Variants in INSC observed in about 807,000 individuals in gnomAD.
The protein encoded by INSC is INSC spindle orientation adaptor protein, also known as protein inscuteable homolog.
A neutral mutation model predicts 58.6 loss-of-function variants in INSC; 67 were observed. The ratio of observed to expected loss-of-function variants is 1.14; its 90% CI spans 0.94 to 1.40. INSC has a LOEUF of 1.40. INSC is among the 40% of genes most tolerant of loss of function. INSC has a pLI of 0.00. For synonymous variants in INSC, 262 were observed against 276.1 expected (o/e 0.95, Z 0.51); for missense variants, 714 against 692.0 (o/e 1.03, Z -0.36).
At chr11:15,127,032 G>T (rs956127627) in intron 1 of INSC, among the ~76,000 whole-genome samples, 8 of 152,228 alleles carry the variant, frequency 5.3e-5, no homozygotes, top group African/African-American at 1.9e-4. Flanking sequence ...CCATGAGGGG[G>T]CCTGCTGAGA....
intron 7 of INSC, among the ~76,000 whole-genome samples, chr11:15,203,306 C>A (rs1026315129): frequency 6.6e-6 from 1 of 152,196 alleles, no homozygotes; most frequent in Non-Finnish European, 1.5e-5. Context: ...ACATCCCCAG[C>A]TGGCATAGGG....
At chr11:15,227,031 C>T (rs1298431724) in intron 9 of INSC, among the ~76,000 whole-genome samples, 8 of 152,132 alleles carry the variant, frequency 5.3e-5, no homozygotes, top group East Asian at 1.9e-4. Flanking sequence ...TAAGCATTTG[C>T]GTATGAGGGT....
chr11:15,170,407 C>T (rs1306005444), intron 2 of INSC, among the ~76,000 whole-genome samples: 1 of 152,018 alleles, frequency 6.6e-6, no homozygotes, highest in Non-Finnish European at 1.5e-5. Context: ...TGACCTTGAC[C>T]ACTTTGAAGA....
At chr11:15,139,765 C>T (rs1389069629) in intron 1 of INSC, among the ~76,000 whole-genome samples, 1 of 152,240 alleles carries the variant, frequency 6.6e-6, no homozygotes, top group African/African-American at 2.4e-5. Flanking sequence ...AATCTCTATT[C>T]TTAACCAACA....
intron 1 of INSC, among the ~76,000 whole-genome samples, chr11:15,140,523 T>C (rs1238745623): frequency 6.6e-6 from 1 of 152,126 alleles, no homozygotes; most frequent in Admixed American, 6.5e-5. Flanking sequence ...CAGGTGTAGC[T>C]TGGCTTGCTG....
At chr11:15,138,623 G>A (rs1848300289) in intron 1 of INSC, among the ~76,000 whole-genome samples, 1 of 152,224 alleles carries the variant, frequency 6.6e-6, no homozygotes, top group Admixed American at 6.5e-5. Context: ...CTTTGGATCT[G>A]AAGTCTGGAT....
At chr11:15,241,500 C>T (rs1045134174) in intron 12 of INSC, 10 of 689,802 alleles carry the variant, frequency 1.4e-5, no homozygotes, top group Non-Finnish European at 2.6e-5. Flanking sequence ...TGATAAGTCA[C>T]TCAGTGCTAT....
intron 1 of INSC, among the ~76,000 whole-genome samples, chr11:15,145,440 G>A (rs1848469371): frequency 6.6e-6 from 1 of 152,180 alleles, no homozygotes; most frequent in Non-Finnish European, 1.5e-5. Context: ...TGTAGCTTTG[G>A]AAGGGGTTTA....
chr11:15,244,500 T>C (rs1192755513), intron 12 of INSC, among the ~76,000 whole-genome samples: 2 of 152,190 alleles, frequency 1.3e-5, no homozygotes, highest in African/African-American at 4.8e-5. Flanking sequence ...CTACCTGCCA[T>C]GTCCAGGTAA....
At chr11:15,143,866 G>A (rs924505100) in intron 1 of INSC, among the ~76,000 whole-genome samples, 5 of 152,148 alleles carry the variant, frequency 3.3e-5, no homozygotes, top group African/African-American at 9.7e-5. Context: ...GCATAGACTG[G>A]GGAAGTCAAA....
intron 5 of INSC, among the ~76,000 whole-genome samples, chr11:15,180,934 C>T (rs182140563): frequency 3.9e-5 from 6 of 152,286 alleles, no homozygotes; most frequent in African/African-American, 1.2e-4. Context: ...GATATATTGA[C>T]TGAAGACAGG....
intron 6 of INSC, among the ~76,000 whole-genome samples, chr11:15,198,314 C>G (rs758562220): frequency 1.7e-4 from 26 of 152,196 alleles, no homozygotes; most frequent in Admixed American, 2.6e-4. Context: ...ACCAGAATCT[C>G]TTTCTTTTGG....
At chr11:15,145,381 C>T (rs1034417691) in intron 1 of INSC, among the ~76,000 whole-genome samples, 1 of 152,232 alleles carries the variant, frequency 6.6e-6, no homozygotes, top group African/African-American at 2.4e-5. Context: ...GGACACAGCA[C>T]AGGACCAAGG....
intron 2 of INSC, among the ~76,000 whole-genome samples, chr11:15,154,874 A>C (rs1282445386): frequency 6.6e-6 from 1 of 152,198 alleles, no homozygotes; most frequent in Non-Finnish European, 1.5e-5. Flanking sequence ...GACTAAAACA[A>C]GTTCTTCCCA....
intron 7 of INSC, among the ~76,000 whole-genome samples, chr11:15,203,991 A>C (rs562150105): frequency 6.6e-6 from 1 of 152,256 alleles, no homozygotes; most frequent in Non-Finnish European, 1.5e-5. Flanking sequence ...AAATAGCAGA[A>C]CTGAATAGTT....
chr11:15,258,154 A>G, the INSC span, among the ~76,000 whole-genome samples: 1 of 152,216 alleles, frequency 6.6e-6, no homozygotes, highest in Non-Finnish European at 1.5e-5. Flanking sequence ...CTTTTTAAAT[A>G]TATAAACTAT....
intron 6 of INSC, among the ~76,000 whole-genome samples, chr11:15,199,660 G>T (rs919571386): frequency 6.6e-6 from 1 of 152,134 alleles, no homozygotes; most frequent in Non-Finnish European, 1.5e-5. Context: ...ATAACATTTT[G>T]CTTAGTTTTG....
downstream of INSC, among the ~76,000 whole-genome samples, chr11:15,248,690 A>C (rs551002389): frequency 2.4e-4 from 36 of 152,340 alleles, no homozygotes; most frequent in Middle Eastern, 3.4e-3. Context: ...ACTGGAAGAG[A>C]TTAAAGGAGA....
At chr11:15,222,852 A>G (rs1291138948) in intron 8 of INSC, among the ~76,000 whole-genome samples, 1 of 152,226 alleles carries the variant, frequency 6.6e-6, no homozygotes, top group Non-Finnish European at 1.5e-5. Flanking sequence ...ATGGAAGCCC[A>G]TTGTTGAAAG....
Sources: gnomAD v4.1 joint callset for allele counts (sites outside exome capture counted in the v4.1 genomes callset) on GRCh38, gnomAD v4.1.1 for gene constraint, MANE v1.5 for transcripts, NCBI Gene and HGNC (gene_info 2026-07-23, HGNC 2026-07-21) for gene names.